RAP1GDS1: variants seen among roughly 807,000 people sequenced by gnomAD.
RAP1GDS1 encodes the protein Rap1 GTPase-GDP dissociation stimulator 1.
RAP1GDS1 carries 35 observed loss-of-function variants against 71.1 expected under a neutral mutation model. That is an observed-to-expected ratio of 0.49 (90% CI 0.38 to 0.65). RAP1GDS1 has a LOEUF of 0.65. RAP1GDS1 is among the 30% of genes least tolerant of loss of function. The pLI, the probability that RAP1GDS1 is intolerant of heterozygous loss-of-function variation, is 0.00. For missense variants in RAP1GDS1, 663 were observed against 706.1 expected, an observed-to-expected ratio of 0.94 and a Z score of 0.69; for synonymous variants, 229 against 243.1, an observed-to-expected ratio of 0.94 and a Z score of 0.54.
At chr4:98,277,147 G>C (rs1186527458) in intron 1 of RAP1GDS1, among the ~76,000 whole-genome samples, 1 of 152,050 alleles carries the variant, frequency 6.6e-6, no homozygotes, top group Non-Finnish European at 1.5e-5. Flanking sequence ...CAAACATGAA[G>C]AAGCTAATAC....
intron 5 of RAP1GDS1, among the ~76,000 whole-genome samples, chr4:98,385,397 G>A (rs550638984): frequency 1.3e-5 from 2 of 151,730 alleles, no homozygotes; most frequent in Non-Finnish European, 3.0e-5. Context: ...TTCCAGAAAT[G>A]ATGTTGAAGT....
chr4:98,379,504 T>C (rs1741671386), intron 5 of RAP1GDS1: 1 of 158,920 alleles, frequency 6.3e-6, no homozygotes, highest in Non-Finnish European at 1.4e-5. Context: ...AGGAGTAGCT[T>C]TAAAATATGA....
chr4:98,282,374 T>C (rs554260423), intron 1 of RAP1GDS1, among the ~76,000 whole-genome samples: 22 of 152,224 alleles, frequency 1.4e-4, no homozygotes, highest in Non-Finnish European at 2.8e-4. Flanking sequence ...CCATTTCTTC[T>C]AGATTTTCTA....
At chr4:98,325,383 A>T (rs1268967274) in intron 2 of RAP1GDS1, among the ~76,000 whole-genome samples, 2 of 150,966 alleles carry the variant, frequency 1.3e-5, no homozygotes, top group African/African-American at 4.9e-5. Flanking sequence ...AGGGATCTAG[A>T]ACTAGAAATA....
In RAP1GDS1 at chr4:98,333,912, C is replaced by G. The variant is rs576870778; in HGVS notation, c.113-9227C>G. On this transcript the variant is annotated intron_variant, in intron 2 of 14. Transcript: ENST00000408927. ...AAGAATTATACCAACAAAGATTATT[C>G]TGTTTTAGGTTGGGTTTATAGTGTT... is the stretch of plus-strand genomic sequence containing the variant. Among the ~76,000 whole-genome samples the G allele has an allele frequency of 2.0e-5, 3 of 152,234 alleles. No individual in the cohort carries two copies. In the South Asian group the frequency reaches 6.2e-4, roughly 32 times the overall value.
intron 1 of RAP1GDS1, among the ~76,000 whole-genome samples, chr4:98,261,966 G>C (rs1578226961): frequency 6.6e-6 from 1 of 152,248 alleles, no homozygotes; most frequent in Non-Finnish European, 1.5e-5. Context: ...CTCGAGGCTC[G>C]GGTCCGACCA....
Position 98,353,119 on chromosome 4 carries a change from A to G in RAP1GDS1, c.361+518A>G, listed in dbSNP as rs542794329. On this transcript the variant is annotated intron_variant, in intron 4 of 14. Transcript: ENST00000408927. ...ATCATTGTCATCCTCACCACATTCTATAATATACTGTTCTACTAGGCAAAA... is the reference window on the plus strand; with the variant it reads ...ATCATTGTCATCCTCACCACATTCTGTAATATACTGTTCTACTAGGCAAAA... Among the ~76,000 whole-genome samples the G allele has an allele frequency of 1.3e-4, 20 of 152,336 alleles. No individual in the cohort carries two copies. The East Asian group carries it at 2.7e-3, about 21-fold the overall frequency.
At position 98,408,102 on chromosome 4, in the gene RAP1GDS1, A is replaced by ATT. The variant is rs199915283; in HGVS notation, c.763+3501_763+3502insTT. Among the ~76,000 whole-genome samples the ATT allele has an allele frequency of 1.1e-4, 16 of 141,164 alleles. No homozygotes were observed. In the South Asian group the frequency reaches 1.5e-3, roughly 13 times the overall value. The allele number at this position is 141,164 out of a possible 152,430, so 92.6% of individuals were successfully genotyped here. A position where few individuals can be genotyped will look rare whatever the true frequency, so the allele number is the denominator to read the frequency against. ...ATGCCCATATATTTTATATATATAT[A>ATT]TATTTTTTTTTTTCCCTCCCCCGCA... On this transcript the variant is annotated intron_variant, in intron 7 of 14. Transcript: ENST00000408927.
intron 13 of RAP1GDS1, 60 bp downstream of exon 13, chr4:98,434,122 T>G: frequency 6.3e-7 from 1 of 1,581,370 alleles, no homozygotes; most frequent in Non-Finnish European, 8.7e-7. Context: ...AAAGGAAGTA[T>G]AGAAGTGGAG....
chr4:98,312,734 T>C (rs1029957823), intron 2 of RAP1GDS1, among the ~76,000 whole-genome samples: 5 of 151,754 alleles, frequency 3.3e-5, no homozygotes, highest in African/African-American at 1.2e-4. Context: ...TGTATAGATA[T>C]ATATATATAG....
chr4:98,380,428 T>C (rs557533713), intron 5 of RAP1GDS1, among the ~76,000 whole-genome samples: 2 of 151,816 alleles, frequency 1.3e-5, no homozygotes, highest in African/African-American at 4.8e-5. Flanking sequence ...CTACCAGTTT[T>C]AAGCCTTTGA....
rs75010941 is a variant in RAP1GDS1 at position 98,326,911 on chromosome 4, G to A, written c.113-16228G>A. On this transcript the variant is annotated intron_variant, in intron 2 of 14. Transcript: ENST00000408927. ...TGTAAGAGCTAGAATTAGTATAGTC[G>A]TTTTTCTACTCTGATACAAGCTAGT... is the stretch of plus-strand genomic sequence containing the variant. Among the ~76,000 whole-genome samples the A allele has an allele frequency of 7.9e-3, 1,209 of 152,198 alleles. 15 individuals are homozygous for A. The highest frequency in any genetic ancestry group is 0.028 in the African/African-American group (1,155 of 41,514).
At chr4:98,320,789 A>G (rs1731726597) in intron 2 of RAP1GDS1, among the ~76,000 whole-genome samples, 2 of 146,334 alleles carry the variant, frequency 1.4e-5, no homozygotes, top group African/African-American at 5.1e-5. Flanking sequence ...ATCATCAAAG[A>G]CCAAAAGTAG....
chr4:98,335,786 A>AC (rs1198338879), intron 2 of RAP1GDS1, among the ~76,000 whole-genome samples: 4 of 32,242 alleles, frequency 1.2e-4, no homozygotes, highest in African/African-American at 2.5e-4. Context: ...GTGACTTCTT[A>AC]CCTTTTTTTT....
chr4:98,422,961 C>G (rs1430381108), intron 12 of RAP1GDS1, among the ~76,000 whole-genome samples: 1 of 152,198 alleles, frequency 6.6e-6, no homozygotes, highest in Non-Finnish European at 1.5e-5. Context: ...CCCTTTGACC[C>G]CTTCTCCATC....
Position 98,442,005 on chromosome 4 carries a change from A to C in RAP1GDS1, c.1712A>C (p.Glu571Ala), listed in dbSNP as rs770252631. Residue 571 changes from glutamate (E) to alanine (A), a missense_variant, in exon 15 of 15, where the codon GAA (glutamate) becomes GCA (alanine). Glu to Ala is a moderately radical substitution (Grantham distance 107). Coordinates refer to ENST00000408927, the MANE Select transcript of RAP1GDS1 (RefSeq NM_001100427.2). The stretch of plus-strand genomic sequence containing the variant: ...TGTCTTCCAGAATGTCTACACAAGG[A>C]AGTACAGGATTTGGCTTTTCTAGAT... ...ALMGSECLHK[E>A]VQDLAFLDVV... is the part of the protein sequence containing the mutation. 1 of 1,613,954 alleles carries C rather than the reference A, an allele frequency of 6.2e-7. No individual in the cohort carries two copies. Among genetic ancestry groups the C allele is most frequent in the Admixed American group, 1.7e-5 (1 of 60,022 alleles).
rs1202387523 is a variant in RAP1GDS1 at position 98,443,496 on chromosome 4, T to C, written c.*1379T>C. 1 of 228,872 alleles carries C rather than the reference T, an allele frequency of 4.4e-6. No individual in the cohort carries two copies. The highest frequency in any genetic ancestry group is 8.7e-6 in the Non-Finnish European group (1 of 115,394). 14.2% of individuals were successfully genotyped at this position (228,872 alleles called of 1,614,324 possible). A position where few individuals can be genotyped will look rare whatever the true frequency, so the allele number is the denominator to read the frequency against. On this transcript the variant is annotated 3_prime_UTR_variant, in exon 15 of 15. Coordinates refer to ENST00000408927, the MANE Select transcript of RAP1GDS1 (RefSeq NM_001100427.2). ...CTAAAAGGCAAGATGGGCTTCGATA[T>C]AGAAGGACTGCAAGACAGTAGAAAG...
intron 3 of RAP1GDS1, among the ~76,000 whole-genome samples, chr4:98,352,043 GA>G (rs1248813338): frequency 2.7e-5 from 4 of 150,636 alleles, no homozygotes; most frequent in Non-Finnish European, 5.9e-5. Flanking sequence ...GGCTTTTTTA[GA>G]AAACAAAGTG....
At chr4:98,411,006 A>G (rs991103074) in intron 7 of RAP1GDS1, among the ~76,000 whole-genome samples, 9 of 152,242 alleles carry the variant, frequency 5.9e-5, no homozygotes, top group Admixed American at 1.3e-4. Context: ...CTAATAATAT[A>G]TTAAACTTAA....
Sources: gnomAD v4.1 joint callset for allele counts (sites outside exome capture counted in the v4.1 genomes callset) on GRCh38, gnomAD v4.1.1 for gene constraint, MANE v1.5 for transcripts, NCBI Gene and HGNC (gene_info 2026-07-23, HGNC 2026-07-21) for gene names.